Variants in MACROD2 observed in about 807,000 individuals in gnomAD.
MACROD2 encodes the protein ADP-ribose glycohydrolase MACROD2.
Under a neutral mutation model 70.4 loss-of-function variants are expected in MACROD2, and 36 were observed. The observed-to-expected ratio is 0.51, with a 90% CI of 0.39 to 0.68. The LOEUF (loss-of-function observed/expected upper bound fraction) is 0.68, where lower values mean the gene tolerates loss of function less well. MACROD2 is among the 30% of genes least tolerant of loss of function. MACROD2 has a pLI of 0.00. For synonymous variants in MACROD2, 172 were observed against 178.8 expected (o/e 0.96, Z 0.30); for missense variants, 496 against 538.4 (o/e 0.92, Z 0.78).
intron 3 of MACROD2, among the ~76,000 whole-genome samples, chr20:14,318,198 G>A (rs1455451994): frequency 1.3e-5 from 2 of 152,014 alleles, no homozygotes; most frequent in African/African-American, 4.8e-5. Flanking sequence ...ATTCAACAGG[G>A]TATTACTTTG....
chr20:15,271,271 A>AGAAAGGGTGAGGCATCTGTCTGGGGCC (rs1325206215), intron 6 of MACROD2, among the ~76,000 whole-genome samples: 14 of 152,310 alleles, frequency 9.2e-5, no homozygotes, highest in African/African-American at 2.9e-4. Flanking sequence ...CTCAAGTGGT[A>AGAAAGGGTGAGGCATCTGTCTGGGGCC]GAAAGGGTGA....
chr20:14,045,065 TTGCCGCTCCGAGTGCGG>T (rs1193263492), intron 2 of MACROD2, among the ~76,000 whole-genome samples: 2 of 152,196 alleles, frequency 1.3e-5, no homozygotes, highest in African/African-American at 4.8e-5. Context: ...GCGGGCCGGC[TTGCCGCTCCGAGTGCGG>T]GGCCCGAGGA....
At chr20:15,277,489 A>C (rs1373439822) in intron 6 of MACROD2, among the ~76,000 whole-genome samples, 1 of 152,242 alleles carries the variant, frequency 6.6e-6, no homozygotes, top group East Asian at 1.9e-4. Flanking sequence ...ATAGGTTGCT[A>C]TAACCTGCAC....
chr20:14,069,010 G>A (rs1323527344), intron 2 of MACROD2, among the ~76,000 whole-genome samples: 2 of 152,072 alleles, frequency 1.3e-5, no homozygotes, highest in Admixed American at 6.6e-5. Flanking sequence ...GTACAGTGGC[G>A]TGATCTTGGC....
intron 6 of MACROD2, among the ~76,000 whole-genome samples, chr20:15,372,046 C>A (rs2045501318): frequency 6.6e-6 from 1 of 152,106 alleles, no homozygotes; most frequent in Non-Finnish European, 1.5e-5. Context: ...TTTGTGTGAA[C>A]ACGTATAGTT....
Position 15,036,841 on chromosome 20 carries a change from G to A in MACROD2, c.419-193099G>A, listed in dbSNP as rs184465147. ...AGTTTGCACATCAAAAACCCAAAGCGTCTCTTCTTTTTATAAAGATTTAGT... is the reference window on the plus strand; with the variant it reads ...AGTTTGCACATCAAAAACCCAAAGCATCTCTTCTTTTTATAAAGATTTAGT... On this transcript the variant is annotated intron_variant, in intron 5 of 17. Transcript: ENST00000684519. 4.0e-3 allele frequency among the ~76,000 whole-genome samples: 613 copies of A among 151,446 alleles called. 6 individuals carry two copies. Among genetic ancestry groups the A allele is most frequent in the African/African-American group, 0.013 (520 of 41,304 alleles).
In MACROD2 at chr20:14,407,673, A is replaced by G. The variant is rs761111081; in HGVS notation, c.272-85806A>G. Among the ~76,000 whole-genome samples, 42 of 152,288 alleles carry G rather than the reference A, an allele frequency of 2.8e-4. 1 individual carries two copies. In the Middle Eastern group the frequency reaches 0.031, roughly 111 times the overall value. ...CACTGGAAAGGCATCAGGTGACTACATTTACTGAAACTACCAATGTCTTAG... is the reference window on the plus strand; with the variant it reads ...CACTGGAAAGGCATCAGGTGACTACGTTTACTGAAACTACCAATGTCTTAG... On this transcript the variant is annotated intron_variant, in intron 3 of 17. Coordinates refer to ENST00000684519, the MANE Select transcript of MACROD2 (RefSeq NM_001351661.2).
At chr20:14,484,595 C>A (rs2084700754) in intron 3 of MACROD2, among the ~76,000 whole-genome samples, 1 of 150,030 alleles carries the variant, frequency 6.7e-6, no homozygotes, top group African/African-American at 2.5e-5. Flanking sequence ...CCTCGAATAC[C>A]CTTTCCAGTG....
intron 4 of MACROD2, among the ~76,000 whole-genome samples, chr20:14,640,503 T>A (rs1004401958): frequency 2.0e-5 from 3 of 152,176 alleles, no homozygotes; most frequent in African/African-American, 7.2e-5. Context: ...TATAGTCTAC[T>A]GGGAGAGACA....
At chr20:14,994,913 A>G (rs2122880217) in intron 5 of MACROD2, among the ~76,000 whole-genome samples, 2 of 152,258 alleles carry the variant, frequency 1.3e-5, no homozygotes, top group South Asian at 4.2e-4. Flanking sequence ...CCAAGGAAGG[A>G]GGATTACTTG....
At chr20:14,897,130 G>C (rs1358155654) in intron 5 of MACROD2, among the ~76,000 whole-genome samples, 1 of 151,970 alleles carries the variant, frequency 6.6e-6, no homozygotes, top group Non-Finnish European at 1.5e-5. Context: ...GAAGGCCTGG[G>C]GTACGAAAAA....
At chr20:15,523,835 C>G (rs1234777244) in intron 8 of MACROD2, among the ~76,000 whole-genome samples, 2 of 152,188 alleles carry the variant, frequency 1.3e-5, no homozygotes, top group Non-Finnish European at 2.9e-5. Context: ...ATAATGGTAA[C>G]TATCATGTTC....
intron 8 of MACROD2, among the ~76,000 whole-genome samples, chr20:15,809,585 C>G (rs1200454778): frequency 6.6e-6 from 1 of 152,132 alleles, no homozygotes; most frequent in Non-Finnish European, 1.5e-5. Flanking sequence ...AAACAACCAA[C>G]TCTCACAGGA....
chr20:14,967,402 A>C (rs998651178), intron 5 of MACROD2, among the ~76,000 whole-genome samples: 1 of 152,032 alleles, frequency 6.6e-6, no homozygotes, highest in Non-Finnish European at 1.5e-5. Context: ...GAACTCAGGC[A>C]ATCCGCCCGC....
Position 14,486,513 on chromosome 20 carries a change from C to CTTTTTTTTTTTTTTTTTTTTTTTT in MACROD2, c.272-6961_272-6960insTTTTTTTTTTTTTTTTTTTTTTTT, listed in dbSNP as rs71335969. On this transcript the variant is annotated intron_variant, in intron 3 of 17. Coordinates refer to ENST00000684519, the MANE Select transcript of MACROD2 (RefSeq NM_001351661.2). ...GAGCTATCTGGCATAAAATAGCCAA[C>CTTTTTTTTTTTTTTTTTTTTTTTT]TTTTTATTTTATTTTTTTTTTTTGA... Among the ~76,000 whole-genome samples, 13 of 97,064 alleles carry CTTTTTTTTTTTTTTTTTTTTTTTT rather than the reference C, an allele frequency of 1.3e-4. 6 individuals are homozygous for CTTTTTTTTTTTTTTTTTTTTTTTT. The highest frequency in any genetic ancestry group is 1.6e-4 in the African/African-American group (4 of 25,060). 63.7% of individuals were successfully genotyped at this position (97,064 alleles called of 152,430 possible).
chr20:15,366,871 T>C (rs1304055350), intron 6 of MACROD2, among the ~76,000 whole-genome samples: 1 of 152,026 alleles, frequency 6.6e-6, no homozygotes, highest in Non-Finnish European at 1.5e-5. Context: ...TTTTTGAATA[T>C]AGCATTATTA....
intron 5 of MACROD2, among the ~76,000 whole-genome samples, chr20:14,962,762 C>T (rs2074596048): frequency 6.6e-6 from 1 of 151,332 alleles, no homozygotes; most frequent in African/African-American, 2.4e-5. Flanking sequence ...TTTTCCTCCT[C>T]TCCCTCCTCA....
intron 5 of MACROD2, among the ~76,000 whole-genome samples, chr20:15,007,904 C>A (rs2075052636): frequency 6.6e-6 from 1 of 152,198 alleles, no homozygotes; most frequent in East Asian, 1.9e-4. Flanking sequence ...CTTGTGCAGG[C>A]CAGGGGAACC....
chr20:14,258,058 C>T (rs2082072274), intron 3 of MACROD2, among the ~76,000 whole-genome samples: 1 of 152,114 alleles, frequency 6.6e-6, no homozygotes, highest in African/African-American at 2.4e-5. Context: ...CTGTGAATGC[C>T]ATTATTTTGT....
Sources: allele counts gnomAD v4.1 joint callset (sites outside exome capture counted in the v4.1 genomes callset), GRCh38; gene constraint gnomAD v4.1.1; transcripts MANE v1.5; gene names NCBI Gene and HGNC (gene_info 2026-07-23, HGNC 2026-07-21).